The following DOK1 variants were observed in gnomAD, a reference collection of about 807,000 sequenced individuals.
The protein encoded by DOK1 is docking protein 1.
DOK1 carries 12 observed loss-of-function variants against 24.0 expected under a neutral mutation model. The observed-to-expected ratio is 0.50, with a 90% CI of 0.32 to 0.81. The LOEUF (loss-of-function observed/expected upper bound fraction) is 0.81. Ranked by LOEUF, DOK1 falls within the 30% of genes least tolerant of loss-of-function variation. The pLI is 0.03. For synonymous variants in DOK1, 250 were observed against 260.9 expected, an observed-to-expected ratio of 0.96 and a Z score of 0.40; for missense variants, 591 against 620.7, an observed-to-expected ratio of 0.95 and a Z score of 0.51.
upstream of DOK1, chr2:74,550,455 G>T: frequency 2.5e-6 from 3 of 1,207,158 alleles, no homozygotes; most frequent in Non-Finnish European, 3.5e-6. Context: ...TGGCCATGAT[G>T]ATCCCATCTT....
chr2:74,554,347 C>T (rs1376475568), upstream of DOK1: 1 of 191,580 alleles, frequency 5.2e-6, no homozygotes, highest in Non-Finnish European at 1.1e-5. This position sits in a 1 kb window ranked among gnomAD's most constrained non-coding sequence, Gnocchi z 4.9. Context: ...GGGGCGGGCC[C>T]GGCCAGGGTA....
chr2:74,550,905 C>T (rs1676963375), upstream of DOK1, among the ~76,000 whole-genome samples: 1 of 151,950 alleles, frequency 6.6e-6, no homozygotes, highest in Admixed American at 6.6e-5. Context: ...TGCCATATAG[C>T]CCCTTGTTCT....
In DOK1 at chr2:74,556,542, C is replaced by A; in HGVS notation, c.874C>A (p.Pro292Thr). 6.2e-7 allele frequency: 1 copy of A among 1,614,168 alleles called. No individual in the cohort carries two copies. Among genetic ancestry groups the A allele is most frequent in the South Asian group, 1.1e-5 (1 of 91,086 alleles). The change falls in exon 5 of 5, where the codon CCC becomes ACC. Residue 292 changes from proline to threonine, a missense_variant. Pro to Thr is a conservative substitution (Grantham distance 38). Coordinates refer to ENST00000233668, the MANE Select transcript of DOK1 (RefSeq NM_001381.5). This position sits in a 1 kb window ranked among gnomAD's most constrained non-coding sequence, Gnocchi z 4.1. ...TGGCCCCCAAGAGCTCCTCGACAGT[C>A]CCCCAGCCCTGTATGCTGAGCCCTT... is the stretch of plus-strand genomic sequence containing the variant. Reference protein sequence around the residue: ...PPGPQELLDSPPALYAEPLDS... With the variant: ...PPGPQELLDSTPALYAEPLDS...
In DOK1 at chr2:74,554,747, C is replaced by G; in HGVS notation, c.-8C>G. The G allele has an allele frequency of 1.2e-6, 2 of 1,611,542 alleles. No homozygotes were observed. Among genetic ancestry groups the G allele is most frequent in the South Asian group, 1.1e-5 (1 of 91,052 alleles). On this transcript the variant is annotated 5_prime_UTR_variant, in exon 1 of 5. Coordinates refer to ENST00000233668, the MANE Select transcript of DOK1 (RefSeq NM_001381.5). The surrounding 1 kb of genome is among the most constrained non-coding windows in gnomAD (Gnocchi z 4.9). ...GGCCAGGAAGCGCGGAAGGAACCGC[C>G]GGGGGCCATGGACGGAGCAGTGATG...
At chr2:74,554,410 GGGT>G, upstream of DOK1, 1 of 314,568 alleles carries the variant, frequency 3.2e-6, no homozygotes, top group Non-Finnish European at 5.9e-6. The surrounding 1 kb of genome is among the most constrained non-coding windows in gnomAD (Gnocchi z 4.9). Context: ...GGCGCTTTCG[GGGT>G]GATGTCATGG....
In DOK1 at chr2:74,556,851, G is replaced by T; in HGVS notation, c.1183G>T (p.Glu395Ter). 1 of 1,614,152 alleles carries T rather than the reference G, an allele frequency of 6.2e-7. No individual in the cohort carries two copies. Among genetic ancestry groups the T allele is most frequent in the East Asian group, 2.2e-5 (1 of 44,874 alleles). Residue 395 changes from glutamate to a stop codon, truncating the protein, a stop_gained, in exon 5 of 5, where the codon GAG (glutamate) becomes TAG (stop). Transcript: ENST00000233668. LOFTEE classifies it low-confidence loss of function (END_TRUNC). This position sits in a 1 kb window ranked among gnomAD's most constrained non-coding sequence, Gnocchi z 4.1. ...ATGGTGGTGCCAAGCTCGGGTGAAG[G>T]AGGAGGGCTATGAGCTCCCCTACAA... ...DAWWCQARVK[E>*]EGYELPYNPA...
chr2:74,549,895 A>T (rs150689278), upstream of DOK1: 2 of 985,464 alleles, frequency 2.0e-6, no homozygotes, highest in African/African-American at 3.5e-5. This position sits in a 1 kb window ranked among gnomAD's most constrained non-coding sequence, Gnocchi z 5.3. Flanking sequence ...CAGAAGGAAG[A>T]TGTCTCAGGA....
At position 74,549,263 on chromosome 2, in the gene DOK1, C is replaced by A. The variant is rs1558628845; in HGVS notation, c.-358+91C>A. ...TCCATATTTTCCCGCGCGTCCCGACCCCCGGGTCCTCCCGTGCCCCGGACC... is the reference window on the plus strand; with the variant it reads ...TCCATATTTTCCCGCGCGTCCCGACACCCGGGTCCTCCCGTGCCCCGGACC... On this transcript the variant is annotated intron_variant, in intron 1 of 4. Transcript: ENST00000409429. The surrounding 1 kb of genome is among the most constrained non-coding windows in gnomAD (Gnocchi z 5.3). 6 of 1,296,964 alleles carry A rather than the reference C, an allele frequency of 4.6e-6. No individual in the cohort carries two copies. Among genetic ancestry groups the A allele is most frequent in the South Asian group, 1.7e-5 (1 of 58,812 alleles). The allele number at this position is 1,296,964 out of a possible 1,614,324, so 80.3% of individuals were successfully genotyped here.
At chr2:74,550,193 C>A, upstream of DOK1, 2 of 1,613,298 alleles carry the variant, frequency 1.2e-6, no homozygotes, top group Non-Finnish European at 1.7e-6. Flanking sequence ...ACCTCAATGA[C>A]ATTGGAGTCC....
In DOK1 at chr2:74,556,975, C is replaced by A. The variant is rs1400871278; in HGVS notation, c.1307C>A (p.Ala436Glu). The A allele has an allele frequency of 6.2e-7, 1 of 1,614,220 alleles. No individual in the cohort carries two copies. Among genetic ancestry groups the A allele is most frequent in the East Asian group, 2.2e-5 (1 of 44,882 alleles). ...QGPAFPEPGT[A>E]TGSGIKSHNS... ...CCAGCCTTCCCTGAACCTGGTACTG[C>A]AACTGGCAGTGGCATCAAAAGCCAC... The change falls in exon 5 of 5, where the codon GCA (alanine) becomes GAA (glutamate). Residue 436 changes from alanine to glutamate, a missense_variant. By Grantham distance (107) the Ala-to-Glu change is moderately radical (BLOSUM62 -1). Transcript: ENST00000233668. The surrounding 1 kb of genome is among the most constrained non-coding windows in gnomAD (Gnocchi z 4.1).
upstream of DOK1, among the ~76,000 whole-genome samples, chr2:74,553,700 G>A (rs941069666): frequency 2.6e-5 from 4 of 152,082 alleles, no homozygotes; most frequent in African/African-American, 9.7e-5. Flanking sequence ...CGTAGCCCCC[G>A]CCTCCGGTAT....
rs189420857 is a variant in DOK1, at chr2:74,555,040, C to T, written c.61-114C>T. On this transcript the variant is annotated intron_variant, in intron 1 of 4. Transcript: ENST00000233668. This position sits in a 1 kb window ranked among gnomAD's most constrained non-coding sequence, Gnocchi z 6.1. ...GTCCTTGGGAAACTTCGCCCCCAAC[C>T]CCGTTTGGAAGCCCCAGATCCCAAA... The T allele has an allele frequency of 3.4e-5, 49 of 1,434,522 alleles. No individual in the cohort carries two copies. The highest frequency in any genetic ancestry group is 4.1e-5 in the Non-Finnish European group (44 of 1,069,706). 88.9% of individuals were successfully genotyped at this position (1,434,522 alleles called of 1,614,324 possible). A position where few individuals can be genotyped will look rare whatever the true frequency, so the allele number is the denominator to read the frequency against.
rs1329314902 is a variant in DOK1 at position 74,555,126 on chromosome 2, C to T, written c.61-28C>T. On this transcript the variant is annotated intron_variant, in intron 1 of 4. Coordinates refer to ENST00000233668, the MANE Select transcript of DOK1 (RefSeq NM_001381.5). This position sits in a 1 kb window ranked among gnomAD's most constrained non-coding sequence, Gnocchi z 6.1. Reference sequence around the variant, plus strand: ...CCGGGCCGCCTGCGCACGCCACTCCCTCTCGAGCACTCTCTCTCTCTCCCT... The same window carrying T: ...CCGGGCCGCCTGCGCACGCCACTCCTTCTCGAGCACTCTCTCTCTCTCCCT... 2.5e-6 allele frequency: 4 copies of T among 1,591,958 alleles called. No homozygotes were observed. Among genetic ancestry groups the T allele is most frequent in the Non-Finnish European group, 2.6e-6 (3 of 1,167,988 alleles).
Position 74,554,825 on chromosome 2 carries a change from G to C in DOK1, c.60+11G>C. 1.2e-6 allele frequency: 2 copies of C among 1,613,884 alleles called. No homozygotes were observed. The highest frequency in any genetic ancestry group is 1.7e-6 in the Non-Finnish European group (2 of 1,179,906). On this transcript the variant is annotated intron_variant, in intron 1 of 4. Coordinates refer to ENST00000233668, the MANE Select transcript of DOK1 (RefSeq NM_001381.5). This position sits in a 1 kb window ranked among gnomAD's most constrained non-coding sequence, Gnocchi z 4.9. ...CGCTTTGGGACCAAGGTAGTCTGGC[G>C]CATGGATGCCGAACCTTATCCGGGC...
chr2:74,552,282 A>T, upstream of DOK1: 4 of 1,560,358 alleles, frequency 2.6e-6, no homozygotes. Context: ...CTTTGGCCAC[A>T]CATAGGAAAT....
Position 74,549,419 on chromosome 2 carries a change from G to A in DOK1, c.-358+247G>A. 2 of 1,612,608 alleles carry A rather than the reference G, an allele frequency of 1.2e-6. No homozygotes were observed. Among genetic ancestry groups the A allele is most frequent in the South Asian group, 2.2e-5 (2 of 90,830 alleles). On this transcript the variant is annotated intron_variant, in intron 1 of 4. Coordinates refer to the DOK1 transcript ENST00000409429. This position sits in a 1 kb window ranked among gnomAD's most constrained non-coding sequence, Gnocchi z 5.3. ...TTTCGCTGGGGAAGCCCAGCATCCC[G>A]CAGACCACGTGGCTGTTGTGGGCGC... is the stretch of plus-strand genomic sequence containing the variant.
Position 74,549,706 on chromosome 2 carries a change from G to T in DOK1, c.-358+534G>T, listed in dbSNP as rs1040970224. The T allele has an allele frequency of 1.4e-6, 2 of 1,447,402 alleles. No individual in the cohort carries two copies. Among genetic ancestry groups the T allele is most frequent in the African/African-American group, 2.9e-5 (2 of 69,782 alleles). The allele number at this position is 1,447,402 out of a possible 1,614,324, so 89.7% of individuals were successfully genotyped here. A position where few individuals can be genotyped will look rare whatever the true frequency, so the allele number is the denominator to read the frequency against. ...CCAGTGGCGGGATGGGCCCGAGGCG[G>T]CGCTGAGAGAGCGGCCACGATGGCC... is the stretch of plus-strand genomic sequence containing the variant. On this transcript the variant is annotated intron_variant, in intron 1 of 4. Transcript: ENST00000409429. The surrounding 1 kb of genome is among the most constrained non-coding windows in gnomAD (Gnocchi z 5.3).
At chr2:74,554,642 G>A, upstream of DOK1, 1 of 1,021,608 alleles carries the variant, frequency 9.8e-7, no homozygotes, top group Non-Finnish European at 1.4e-6. The surrounding 1 kb of genome is among the most constrained non-coding windows in gnomAD (Gnocchi z 4.9). Flanking sequence ...CCCCCCCAGC[G>A]GCTGCCGGCG....
chr2:74,550,323 G>T (rs2104445711), upstream of DOK1: 2 of 1,613,994 alleles, frequency 1.2e-6, no homozygotes, highest in South Asian at 2.2e-5. Context: ...TCCCACTGCA[G>T]CTCAAGTTGT....
Sources: gnomAD v4.1 joint callset for allele counts (sites outside exome capture counted in the v4.1 genomes callset) on GRCh38, gnomAD v4.1.1 for gene constraint, Gnocchi (gnomAD v3.1) non-coding constraint, MANE v1.5 for transcripts, NCBI Gene and HGNC (gene_info 2026-07-23, HGNC 2026-07-21) for gene names.